Variants in CACNB4 observed in about 807,000 individuals in gnomAD.
The protein encoded by CACNB4 is voltage-dependent L-type calcium channel subunit beta-4.
Under a neutral mutation model 71.2 loss-of-function variants are expected in CACNB4, and 32 were observed. The observed-to-expected ratio is 0.45, with a 90% confidence interval of 0.34 to 0.60. The LOEUF (loss-of-function observed/expected upper bound fraction) is 0.60, where lower values mean the gene tolerates loss of function less well. Among genes scored for constraint, CACNB4 ranks in the 20% least tolerant of loss-of-function variants. The pLI, the probability that CACNB4 is intolerant of heterozygous loss-of-function variation, is 0.01. For missense variants in CACNB4, 464 were observed against 647.9 expected, an observed-to-expected ratio of 0.72 and a Z score of 3.08; for synonymous variants, 231 against 236.9, an observed-to-expected ratio of 0.97 and a Z score of 0.23.
chr2:151,973,640 G>T (rs750433767), intron 2 of CACNB4: 1 of 1,604,048 alleles, frequency 6.2e-7, no homozygotes, highest in Non-Finnish European at 8.5e-7. Context: ...GGAGGGGAGA[G>T]GGAATTAGCT....
rs368082012 is a variant in CACNB4 at position 152,065,151 on chromosome 2, G to A, written c.147+33179C>T. Among the ~76,000 whole-genome samples, 20 of 152,310 alleles carry A rather than the reference G, an allele frequency of 1.3e-4. No individual in the cohort carries two copies. The East Asian group carries it at 3.7e-3, about 28-fold the overall frequency. On this transcript the variant is annotated intron_variant, in intron 2 of 13. Coordinates refer to ENST00000539935, the MANE Select transcript of CACNB4 (RefSeq NM_000726.5). ...AGAAGTTAGCACTTTGGGAGACCGA[G>A]GTGGGCAGATCATTTGAGGTCAGGA...
chr2:151,952,152 G>A (rs1184654785), intron 2 of CACNB4, among the ~76,000 whole-genome samples: 1 of 152,068 alleles, frequency 6.6e-6, no homozygotes, highest in Non-Finnish European at 1.5e-5. Flanking sequence ...AATAACTACT[G>A]TGATACAAAT....
rs148610786 is a variant in CACNB4, at chr2:152,064,426, G to C, written c.147+33904C>G. 6.0e-4 allele frequency among the ~76,000 whole-genome samples: 92 copies of C among 152,326 alleles called. 3 individuals are homozygous for C. In the East Asian group the frequency reaches 0.017, roughly 29 times the overall value. On this transcript the variant is annotated intron_variant, in intron 2 of 13. Coordinates refer to ENST00000539935, the MANE Select transcript of CACNB4 (RefSeq NM_000726.5). ...GACGGAGTCTCGCTCTGTCACACAG[G>C]CTGGAGTGCAGTGTTGCGATCTCAG...
chr2:152,040,928 C>T (rs1684839164), intron 2 of CACNB4, among the ~76,000 whole-genome samples: 1 of 152,126 alleles, frequency 6.6e-6, no homozygotes, highest in Admixed American at 6.5e-5. Flanking sequence ...GAGAAAATGT[C>T]CACATAAACA....
chr2:152,027,450 G>C (rs930090808), intron 2 of CACNB4, among the ~76,000 whole-genome samples: 2 of 152,172 alleles, frequency 1.3e-5, no homozygotes, highest in African/African-American at 4.8e-5. Flanking sequence ...GTTATGGTCA[G>C]GAAAGCCTCC....
chr2:152,061,802 A>C (rs1009498038), intron 2 of CACNB4, among the ~76,000 whole-genome samples: 3 of 152,000 alleles, frequency 2.0e-5, no homozygotes, highest in Admixed American at 6.6e-5. Context: ...ACCAGAGATC[A>C]GGAGTCCAAG....
chr2:152,060,649 T>C (rs1247900386), intron 2 of CACNB4, among the ~76,000 whole-genome samples: 1 of 152,156 alleles, frequency 6.6e-6, no homozygotes, highest in Non-Finnish European at 1.5e-5. Flanking sequence ...ACATTTATCA[T>C]AAGAAAATAA....
chr2:151,954,159 A>G (rs531317228), intron 2 of CACNB4, among the ~76,000 whole-genome samples: 12 of 152,340 alleles, frequency 7.9e-5, no homozygotes, highest in African/African-American at 2.9e-4. Flanking sequence ...CCGCAGCTTC[A>G]CTATAATGTA....
intron 2 of CACNB4, among the ~76,000 whole-genome samples, chr2:152,086,720 A>G (rs747450866): frequency 5.3e-5 from 8 of 152,224 alleles, no homozygotes; most frequent in Non-Finnish European, 1.2e-4. Flanking sequence ...TTGTTCATAT[A>G]CTTTTCTTTA....
Position 151,900,438 on chromosome 2 carries a change from C to T in CACNB4, c.148-17068G>A, listed in dbSNP as rs566491108. Reference sequence around the variant, plus strand: ...TCTGCTGGGGGCAGAGAAAACGTTGCGAAGGCATTTCAAGAAAAGGTGGGG... The same window carrying T: ...TCTGCTGGGGGCAGAGAAAACGTTGTGAAGGCATTTCAAGAAAAGGTGGGG... On this transcript the variant is annotated intron_variant, in intron 2 of 13. Coordinates refer to ENST00000539935, the MANE Select transcript of CACNB4 (RefSeq NM_000726.5). 4.6e-5 allele frequency among the ~76,000 whole-genome samples: 7 copies of T among 152,232 alleles called. No homozygotes were observed. The South Asian group carries it at 8.3e-4, about 18-fold the overall frequency.
At chr2:152,010,981 A>T (rs1456281259) in intron 2 of CACNB4, among the ~76,000 whole-genome samples, 7 of 152,200 alleles carry the variant, frequency 4.6e-5, no homozygotes, top group African/African-American at 1.7e-4. Flanking sequence ...CCTCATATTT[A>T]AGAGCTCCCA....
intron 2 of CACNB4, among the ~76,000 whole-genome samples, chr2:151,958,727 C>T (rs946142443): frequency 6.6e-6 from 1 of 152,208 alleles, no homozygotes; most frequent in African/African-American, 2.4e-5. Flanking sequence ...ACTATTTCCA[C>T]AGCTTTTTAT....
At chr2:151,893,257 T>G (rs957446815) in intron 2 of CACNB4, among the ~76,000 whole-genome samples, 1 of 152,156 alleles carries the variant, frequency 6.6e-6, no homozygotes, top group Admixed American at 6.5e-5. Context: ...TATCTTTTTT[T>G]TTGAGACAGA....
At chr2:151,896,764 C>A (rs2099852181) in intron 2 of CACNB4, among the ~76,000 whole-genome samples, 1 of 152,286 alleles carries the variant, frequency 6.6e-6, no homozygotes, top group East Asian at 1.9e-4. Flanking sequence ...TTAGTTTAAC[C>A]TTTGGAACTA....
intron 2 of CACNB4, among the ~76,000 whole-genome samples, chr2:151,984,642 C>T (rs536387595): frequency 2.7e-4 from 41 of 152,282 alleles, no homozygotes; most frequent in African/African-American, 9.9e-4. Context: ...CTTTCACATT[C>T]AGCCTTTGAT....
intron 2 of CACNB4, among the ~76,000 whole-genome samples, chr2:151,921,853 G>A (rs755187168): frequency 4.6e-5 from 7 of 152,040 alleles, no homozygotes; most frequent in East Asian, 1.9e-4. Flanking sequence ...GCTCCACCAC[G>A]GTTAAGATGT....
Position 151,870,844 on chromosome 2 carries a change from CT to C in CACNB4, c.615del (p.Val206Ter). 6.2e-7 allele frequency: 1 copy of C among 1,602,584 alleles called. No individual in the cohort carries two copies. Among genetic ancestry groups the C allele is most frequent in the Non-Finnish European group, 8.5e-7 (1 of 1,172,546 alleles). ...TTTAAAAAGGAAACACAACTTACCA[CT>C]TTTTGCTTCTGTTTTGCTAAAAGAC... The part of the protein sequence containing the change: ...TPTSTAKQKQ[K>X]VTEHIPPYDV... On this transcript the variant is annotated frameshift_variant, in exon 7 of 14. Transcript: ENST00000539935. LOFTEE classifies it high-confidence loss of function.
chr2:152,009,458 T>A (rs1278111205), intron 2 of CACNB4, among the ~76,000 whole-genome samples: 1 of 152,128 alleles, frequency 6.6e-6, no homozygotes, highest in Admixed American at 6.5e-5. Context: ...TCAATATCAG[T>A]TTACCGATGG....
intron 2 of CACNB4, chr2:151,971,934 TGA>T: frequency 2.9e-6 from 1 of 345,388 alleles, no homozygotes; most frequent in Non-Finnish European, 5.5e-6. Context: ...TGGCCACCAC[TGA>T]GTCACCAGGA....
Sources: gnomAD v4.1 joint callset for allele counts (sites outside exome capture counted in the v4.1 genomes callset) on GRCh38, gnomAD v4.1.1 for gene constraint, MANE v1.5 for transcripts, NCBI Gene and HGNC (gene_info 2026-07-23, HGNC 2026-07-21) for gene names.